Variants in TNNI1 observed in about 807,000 individuals in gnomAD.
TNNI1 encodes troponin I1, slow skeletal type.
TNNI1 carries 14 observed loss-of-function variants against 26.7 expected under a neutral mutation model. The observed-to-expected ratio is 0.52, with a 90% CI of 0.35 to 0.82. TNNI1 has a LOEUF of 0.82. Among genes scored for constraint, TNNI1 ranks in the 40% least tolerant of loss-of-function variants. The probability of loss-of-function intolerance (pLI) is 0.01; values close to 1 mark genes in which losing one functional copy is unlikely to be tolerated. For missense variants in TNNI1, 164 were observed against 257.0 expected (o/e 0.64, Z 2.47); for synonymous variants, 79 against 98.2 (o/e 0.80, Z 1.16).
intron 3 of TNNI1, among the ~76,000 whole-genome samples, chr1:201,415,772 A>G (rs1662726535): frequency 6.6e-6 from 1 of 152,194 alleles, no homozygotes; most frequent in African/African-American, 2.4e-5. Flanking sequence ...AGACCTCAAA[A>G]CTTTTAAAAA....
chr1:201,418,423 G>A (rs532665308), intron 1 of TNNI1, among the ~76,000 whole-genome samples: 3 of 147,456 alleles, frequency 2.0e-5, no homozygotes, highest in East Asian at 2.0e-4. Context: ...AGCCGAGATC[G>A]CACCACTGCA....
chr1:201,414,448 G>A (rs558065483), intron 5 of TNNI1, 70 bp downstream of exon 5: 83 of 1,380,500 alleles, frequency 6.0e-5, no homozygotes, highest in Admixed American at 2.3e-4. Flanking sequence ...GGCTCCTGCC[G>A]CCTGGTCCTT....
intron 7 of TNNI1, 150 bp from the exon 8 acceptor site, chr1:201,410,585 G>C: frequency 1.5e-6 from 1 of 663,666 alleles, no homozygotes; most frequent in South Asian, 1.9e-5. Flanking sequence ...ACTCAGCCAG[G>C]CAGGTGGACA....
chr1:201,409,607 A>G (rs976261351), intron 8 of TNNI1, among the ~76,000 whole-genome samples: 5 of 152,174 alleles, frequency 3.3e-5, no homozygotes, highest in African/African-American at 1.2e-4. Flanking sequence ...GCATCCTCAG[A>G]GAGCTCCTCC....
At chr1:201,413,161 G>A in intron 5 of TNNI1, 40 bp from the exon 6 acceptor site, 1 of 1,609,186 alleles carries the variant, frequency 6.2e-7, no homozygotes, top group Non-Finnish European at 8.5e-7. Context: ...TGAAGAAGAG[G>A]GGAACAGAGA....
At chr1:201,415,166 C>T in intron 4 of TNNI1, 47 bp downstream of exon 4, 5 of 1,547,196 alleles carry the variant, frequency 3.2e-6, no homozygotes, top group Non-Finnish European at 4.5e-6. Flanking sequence ...TCTGCTGCCC[C>T]TCTGCCTCCC....
chr1:201,417,629 A>T, intron 2 of TNNI1, 154 bp downstream of exon 2: 1 of 569,370 alleles, frequency 1.8e-6, no homozygotes, highest in Non-Finnish European at 2.7e-6. Flanking sequence ...CAGGCAGCAC[A>T]GGGGAAACCA....
At position 201,413,019 on chromosome 1, in the gene TNNI1, T is replaced by C. The variant is rs1662664835; in HGVS notation, c.279+13A>G. On this transcript the variant is annotated intron_variant, in intron 6 of 8. Transcript: ENST00000361379. ...CCCATTATGGCCATGCCCCTTCCCT[T>C]CCTTAGACTCACCTCCCTGGTGTTG... 6.2e-7 allele frequency: 1 copy of C among 1,613,744 alleles called. No individual in the cohort carries two copies. Among genetic ancestry groups the C allele is most frequent in the South Asian group, 1.1e-5 (1 of 91,090 alleles).
At chr1:201,415,844 A>C (rs1662727981) in intron 3 of TNNI1, among the ~76,000 whole-genome samples, 1 of 152,186 alleles carries the variant, frequency 6.6e-6, no homozygotes. Flanking sequence ...CTTCTTATCA[A>C]AAATCCTAAA....
rs1397104502 is a variant in TNNI1, at chr1:201,410,310, G to A, written c.*2+16C>T. The A allele has an allele frequency of 1.2e-6, 2 of 1,606,454 alleles. No homozygotes were observed. The highest frequency in any genetic ancestry group is 3.3e-5 in the Admixed American group (2 of 60,010). ...ACTCTGATGGACCCCAGAGAAGGGAGCTGGTCTCTAGGTACCTCTATTGTG... is the reference window on the plus strand; with the variant it reads ...ACTCTGATGGACCCCAGAGAAGGGAACTGGTCTCTAGGTACCTCTATTGTG... On this transcript the variant is annotated intron_variant, in intron 8 of 8. Coordinates refer to ENST00000361379, the MANE Select transcript of TNNI1 (RefSeq NM_003281.4).
intron 5 of TNNI1, 62 bp downstream of exon 5, chr1:201,414,456 C>T: frequency 1.4e-6 from 2 of 1,431,368 alleles, no homozygotes; most frequent in Non-Finnish European, 1.9e-6. Context: ...CCGCCTGGTC[C>T]TTGGAGCCAC....
At chr1:201,419,909 T>C (rs1181745989) in intron 1 of TNNI1, among the ~76,000 whole-genome samples, 1 of 152,188 alleles carries the variant, frequency 6.6e-6, no homozygotes, top group Non-Finnish European at 1.5e-5. Flanking sequence ...TTAGATTTTA[T>C]GGGCAGCTGC....
chr1:201,411,531 A>T lies in TNNI1; in HGVS notation c.282T>A (p.Ile94=). The change falls in exon 7 of 9, where the codon ATT becomes ATA. Residue 94 remains isoleucine (I), a splice_region_variant and synonymous_variant. Coordinates refer to ENST00000361379, the MANE Select transcript of TNNI1 (RefSeq NM_003281.4). The surrounding 1 kb of genome is among the most constrained non-coding windows in gnomAD (Gnocchi z 4.6). ...EAKCLHNTRE[I]KDLKLKVMDL... is the part of the protein sequence containing the mutation. ...CCATCACCTTCAGCTTCAGGTCCTT[A>T]ATCTGTAGGTGAGAAGCGCCCGGGG... The T allele has an allele frequency of 6.3e-7, 1 of 1,591,034 alleles. No homozygotes were observed. The highest frequency in any genetic ancestry group is 8.5e-7 in the Non-Finnish European group (1 of 1,170,590).
chr1:201,410,206 G>A (rs1418448887), intron 8 of TNNI1, 120 bp downstream of exon 8: 9 of 783,216 alleles, frequency 1.1e-5, no homozygotes, highest in East Asian at 1.1e-4. Context: ...CAGTCTCATC[G>A]GTGCCTTAGT....
intron 3 of TNNI1, 38 bp downstream of exon 3, chr1:201,417,076 TAG>T: frequency 6.2e-6 from 10 of 1,607,886 alleles, no homozygotes; most frequent in Non-Finnish European, 8.5e-6. Context: ...TACCAGTCGT[TAG>T]AGTTAACCAA....
Position 201,415,259 on chromosome 1 carries a change from G to A in TNNI1, c.16-5C>T, listed in dbSNP as rs1662713346. The A allele has an allele frequency of 1.9e-6, 3 of 1,614,086 alleles. No individual in the cohort carries two copies. The highest frequency in any genetic ancestry group is 2.7e-5 in the African/African-American group (2 of 75,056). On this transcript the variant is annotated splice_region_variant and splice_polypyrimidine_tract_variant and intron_variant, in intron 3 of 8. Coordinates refer to ENST00000361379, the MANE Select transcript of TNNI1 (RefSeq NM_003281.4). ...GGCAGTGATCTTGGGTTTTCTCTGT[G>A]GGCAAGAAGAGAGAGAGACAGGTGG...
intron 2 of TNNI1, 70 bp downstream of exon 2, chr1:201,417,713 C>G: frequency 7.8e-7 from 1 of 1,282,204 alleles, no homozygotes; most frequent in South Asian, 3.3e-5. Context: ...GGTGCCTCCA[C>G]TGCGGGGCTG....
At chr1:201,417,690 G>T in intron 2 of TNNI1, 93 bp downstream of exon 2, 1 of 1,138,524 alleles carries the variant, frequency 8.8e-7, no homozygotes. Context: ...AAAGCTTTGG[G>T]GGTTGAAAAC....
At chr1:201,417,880 G>A (rs1278866970) in intron 1 of TNNI1, 68 bp from the exon 2 acceptor site, 2 of 1,190,914 alleles carry the variant, frequency 1.7e-6, no homozygotes, top group African/African-American at 1.6e-5. Flanking sequence ...GCTGGGCCTT[G>A]GGAGCCCAGC....
Sources: gnomAD v4.1 joint callset for allele counts (sites outside exome capture counted in the v4.1 genomes callset) on GRCh38, gnomAD v4.1.1 for gene constraint, Gnocchi (gnomAD v3.1) non-coding constraint, MANE v1.5 for transcripts, NCBI Gene and HGNC (gene_info 2026-07-23, HGNC 2026-07-21) for gene names.